TMEM268: variants seen among roughly 807,000 people sequenced by gnomAD.
TMEM268 encodes the protein transmembrane protein C9orf91.
In TMEM268, 24 loss-of-function variants were observed where a neutral mutation model predicts 39.1. The ratio of observed to expected loss-of-function variants is 0.61; its 90% confidence interval spans 0.44 to 0.86. TMEM268 has a LOEUF of 0.86. Among genes scored for constraint, TMEM268 ranks in the 40% least tolerant of loss-of-function variants. The pLI is 0.00. For synonymous variants in TMEM268, 176 were observed against 173.5 expected, an observed-to-expected ratio of 1.01 and a Z score of -0.12; for missense variants, 409 against 428.6, an observed-to-expected ratio of 0.95 and a Z score of 0.40.
At chr9:114,604,354 G>C in the TMEM268 span, among the ~76,000 whole-genome samples, 1 of 139,202 alleles carries the variant, frequency 7.2e-6, no homozygotes, top group African/African-American at 2.7e-5. Context: ...GAGGCTGGTG[G>C]ATCATTTGAG....
intron 5 of TMEM268, among the ~76,000 whole-genome samples, chr9:114,631,295 A>G (rs895787038): frequency 6.7e-6 from 1 of 148,486 alleles, no homozygotes; most frequent in Non-Finnish European, 1.5e-5. Context: ...AAAAAAAAAA[A>G]AAAAAAAAAA....
chr9:114,625,735 G>A (rs1405529258), intron 3 of TMEM268, among the ~76,000 whole-genome samples: 1 of 151,730 alleles, frequency 6.6e-6, no homozygotes, highest in African/African-American at 2.4e-5. Context: ...GAGCCACCAC[G>A]CCTGGCAGAT....
chr9:114,638,427 C>A, intron 7 of TMEM268, 117 bp from the exon 8 acceptor site: 1 of 671,134 alleles, frequency 1.5e-6, no homozygotes. Flanking sequence ...TTTCTGAGGT[C>A]ATCATCTGAG....
intron 1 of TMEM268, among the ~76,000 whole-genome samples, chr9:114,614,892 CTTTTTT>C (rs57020988): frequency 7.7e-6 from 1 of 129,210 alleles, no homozygotes; most frequent in Admixed American, 8.1e-5. Context: ...GTGTCACTGC[CTTTTTT>C]TTTTTTTTTT....
At chr9:114,624,273 C>T (rs1227615976) in intron 2 of TMEM268, 77 bp from the exon 3 acceptor site, 1 of 1,535,398 alleles carries the variant, frequency 6.5e-7, no homozygotes, top group African/African-American at 1.4e-5. Flanking sequence ...AGGTGTGATG[C>T]CGCCAGGCTT....
the TMEM268 span, among the ~76,000 whole-genome samples, chr9:114,604,998 A>G: frequency 6.6e-6 from 1 of 152,180 alleles, no homozygotes; most frequent in Non-Finnish European, 1.5e-5. Flanking sequence ...CTCCCAGGAC[A>G]TTAGTGGACT....
At chr9:114,635,160 G>A (rs1370270513) in intron 6 of TMEM268, among the ~76,000 whole-genome samples, 1 of 151,660 alleles carries the variant, frequency 6.6e-6, no homozygotes, top group Admixed American at 6.6e-5. Flanking sequence ...GGGCAACGTG[G>A]TGAAACCCCG....
At chr9:114,609,743 GA>G (rs761580811), upstream of TMEM268, among the ~76,000 whole-genome samples, 1 of 42,126 alleles carries the variant, frequency 2.4e-5, no homozygotes, top group East Asian at 1.9e-3. Flanking sequence ...AGGAAGGAAG[GA>G]AAGAAAGAAA....
Position 114,643,420 on chromosome 9 carries a change from G to A in TMEM268, c.*107G>A. On this transcript the variant is annotated 3_prime_UTR_variant, in exon 9 of 9. Transcript: ENST00000288502. ...CCCAGGTGAGGAGAGAAGCATCTGG[G>A]GGCACTCCAAAAGGGGCCTGTGATG... 1.0e-6 allele frequency: 1 copy of A among 988,060 alleles called. No individual in the cohort carries two copies. Among genetic ancestry groups the A allele is most frequent in the South Asian group, 1.6e-5 (1 of 64,204 alleles). The allele number at this position is 988,060 out of a possible 1,614,324, so 61.2% of individuals were successfully genotyped here.
At chr9:114,637,771 G>A (rs1846706904) in intron 7 of TMEM268, among the ~76,000 whole-genome samples, 1 of 152,212 alleles carries the variant, frequency 6.6e-6, no homozygotes, top group Non-Finnish European at 1.5e-5. Context: ...TTACCGGCCT[G>A]TGGTCATGGA....
At position 114,646,316 on chromosome 9, in the gene TMEM268, T is replaced by C. The variant is rs1216725368; in HGVS notation, c.*3003T>C. On this transcript the variant is annotated 3_prime_UTR_variant, in exon 9 of 9. Coordinates refer to ENST00000288502, the MANE Select transcript of TMEM268 (RefSeq NM_153045.4). Reference sequence around the variant, plus strand: ...TCTATAGGATGGGAATAAGAGCATGTACCTGGCAGGTTGTTGTAAGGATTA... The same window carrying C: ...TCTATAGGATGGGAATAAGAGCATGCACCTGGCAGGTTGTTGTAAGGATTA... The C allele has an allele frequency of 6.6e-6, 1 of 152,270 alleles. No individual in the cohort carries two copies. Among genetic ancestry groups the C allele is most frequent in the Non-Finnish European group, 1.5e-5 (1 of 68,046 alleles). 9.4% of individuals were successfully genotyped at this position (152,270 alleles called of 1,614,324 possible). A position where few individuals can be genotyped will look rare whatever the true frequency, so the allele number is the denominator to read the frequency against.
At chr9:114,633,411 C>T (rs562628815) in intron 5 of TMEM268, among the ~76,000 whole-genome samples, 82 of 152,230 alleles carry the variant, frequency 5.4e-4, no homozygotes, top group South Asian at 2.5e-3. Flanking sequence ...CCACCTGCCT[C>T]GGCCTCCCAA....
intron 4 of TMEM268, 96 bp from the exon 5 acceptor site, chr9:114,628,005 G>A: frequency 7.5e-7 from 1 of 1,324,806 alleles, no homozygotes; most frequent in South Asian, 1.3e-5. Context: ...AATCCAAGGA[G>A]GGTATCAGTA....
chr9:114,639,631 A>G (rs936640604), intron 8 of TMEM268, among the ~76,000 whole-genome samples: 1 of 151,878 alleles, frequency 6.6e-6, no homozygotes, highest in Non-Finnish European at 1.5e-5. Flanking sequence ...ATATCTTTTC[A>G]GCCAAGAGAT....
At chr9:114,636,505 C>CTTTCT (rs1846644499) in intron 6 of TMEM268, among the ~76,000 whole-genome samples, 1 of 143,146 alleles carries the variant, frequency 7.0e-6, no homozygotes, top group African/African-American at 2.8e-5. Flanking sequence ...CTTTTCTTTT[C>CTTTCT]TTTCTTTTCT....
chr9:114,641,261 G>A (rs1277743844), intron 8 of TMEM268, among the ~76,000 whole-genome samples: 1 of 152,208 alleles, frequency 6.6e-6, no homozygotes, highest in Non-Finnish European at 1.5e-5. Context: ...AATGGGCTCA[G>A]TAATGTGAAG....
At chr9:114,609,769 A>T (rs1284948312), upstream of TMEM268, among the ~76,000 whole-genome samples, 1 of 151,288 alleles carries the variant, frequency 6.6e-6, no homozygotes, top group Non-Finnish European at 1.5e-5. Context: ...GAAAGAAGGA[A>T]AGAAAAAGAA....
chr9:114,645,071 TAC>T lies in TMEM268; in HGVS notation c.*1760_*1761del, dbSNP rs1827518394. Reference sequence around the variant, plus strand: ...CCTCGGGCTCCCAAAGTGCTGGGATTACAGACGTGAGGCACCACAACCAGCCT... The same window carrying T: ...CCTCGGGCTCCCAAAGTGCTGGGATTAGACGTGAGGCACCACAACCAGCCT... On this transcript the variant is annotated 3_prime_UTR_variant, in exon 9 of 9. Coordinates refer to ENST00000288502, the MANE Select transcript of TMEM268 (RefSeq NM_153045.4). 1 of 152,484 alleles carries T rather than the reference TAC, an allele frequency of 6.6e-6. No individual in the cohort carries two copies. The highest frequency in any genetic ancestry group is 1.5e-5 in the Non-Finnish European group (1 of 68,176). The allele number at this position is 152,484 out of a possible 1,614,324, so 9.4% of individuals were successfully genotyped here.
rs1846230916 is a variant in TMEM268 at position 114,627,976 on chromosome 9, T to C, written c.325-125T>C. 8 of 983,198 alleles carry C rather than the reference T, an allele frequency of 8.1e-6. No individual in the cohort carries two copies. The South Asian group carries it at 9.2e-5, about 11-fold the overall frequency. 60.9% of individuals were successfully genotyped at this position (983,198 alleles called of 1,614,324 possible). Reference sequence around the variant, plus strand: ...CCAGGTGACTGCATCAATCTCTTACTGGTGCTGTGAGCTGTCTGAATCCAA... The same window carrying C: ...CCAGGTGACTGCATCAATCTCTTACCGGTGCTGTGAGCTGTCTGAATCCAA... On this transcript the variant is annotated intron_variant, in intron 4 of 8. Transcript: ENST00000288502.
Sources: gnomAD v4.1 joint callset for allele counts (sites outside exome capture counted in the v4.1 genomes callset) on GRCh38, gnomAD v4.1.1 for gene constraint, MANE v1.5 for transcripts, NCBI Gene and HGNC (gene_info 2026-07-23, HGNC 2026-07-21) for gene names.